POLG: variants seen among roughly 807,000 people sequenced by gnomAD.
The protein encoded by POLG is DNA polymerase gamma, catalytic subunit.
In POLG, 110 loss-of-function variants were observed where a neutral mutation model predicts 155.4. The ratio of observed to expected loss-of-function variants is 0.71; its 90% CI spans 0.61 to 0.83. POLG has a LOEUF of 0.83. Ranked by LOEUF, POLG falls within the 40% of genes least tolerant of loss-of-function variation. The pLI is 0.00. For missense variants in POLG, 1,685 were observed against 1,627.5 expected, an observed-to-expected ratio of 1.04 and a Z score of -0.61; for synonymous variants, 701 against 631.5, an observed-to-expected ratio of 1.11 and a Z score of -1.65.
rs1225346693 is a variant in POLG, at chr15:89,325,223, AGAGTGAGTGAGAGAGT to A, written c.1949+211_1949+226del. ...GTGAGTGAGAGAGTGAGTGAGTGAG[AGAGTGAGTGAGAGAGT>A]GAGTGAGTGAGAGAGAGAGTGAGTG... On this transcript the variant is annotated intron_variant, in intron 10 of 22. Coordinates refer to ENST00000268124, the MANE Select transcript of POLG (RefSeq NM_002693.3). 1.5e-3 allele frequency among the ~76,000 whole-genome samples: 58 copies of A among 38,648 alleles called. 10 individuals are homozygous for A. Among genetic ancestry groups the A allele is most frequent in the Non-Finnish European group, 2.5e-3 (47 of 19,060 alleles). 25.4% of individuals were successfully genotyped at this position (38,648 alleles called of 152,430 possible). A position where few individuals can be genotyped will look rare whatever the true frequency, so the allele number is the denominator to read the frequency against.
Position 89,318,537 on chromosome 15 carries a change from A to C in POLG, c.3482+4T>G, listed in dbSNP as rs1567184975. 7 of 1,612,568 alleles carry C rather than the reference A, an allele frequency of 4.3e-6. No homozygotes were observed. Among genetic ancestry groups the C allele is most frequent in the South Asian group, 1.1e-5 (1 of 91,024 alleles). ...CCAGGCTAGAGGCCATGGGCCCCGC[A>C]TACCTGGTCAAGAGGTTGGTGATCT... On this transcript the variant is annotated splice_donor_region_variant and intron_variant, in intron 21 of 22. Transcript: ENST00000268124.
At chr15:89,332,020 A>C (rs1230545268) in intron 2 of POLG, among the ~76,000 whole-genome samples, 1 of 152,230 alleles carries the variant, frequency 6.6e-6, no homozygotes, top group African/African-American at 2.4e-5. Context: ...CAGATCAAAA[A>C]ACAAATCTTT....
Position 89,324,127 on chromosome 15 carries a change from T to C in POLG, c.2050A>G (p.Asn684Asp). The C allele has an allele frequency of 1.9e-6, 3 of 1,614,048 alleles. No homozygotes were observed. The highest frequency in any genetic ancestry group is 2.5e-6 in the Non-Finnish European group (3 of 1,180,034). The change falls in exon 11 of 23, where the codon AAT (asparagine) becomes GAT (aspartate). Residue 684 changes from asparagine (N) to aspartate (D), a missense_variant. Physicochemically the swap from Asn to Asp is conservative, Grantham distance 23 (BLOSUM62 1). This residue lies in a region of POLG where 1,210 missense variants were observed against 1,167.1 expected (regional missense o/e 1.04). Transcript: ENST00000268124. ...GLAEEFLLTDNSAIWQTVEEL... is the reference protein window; with the variant it reads ...GLAEEFLLTDDSAIWQTVEEL... Reference sequence around the variant, plus strand: ...CTCACCGTTTGCCATATGGCACTATTGTCAGTGAGCAGGAACTCCTCCGCC... The same window carrying C: ...CTCACCGTTTGCCATATGGCACTATCGTCAGTGAGCAGGAACTCCTCCGCC...
At position 89,316,721 on chromosome 15, in the gene POLG, C is replaced by T. The variant is rs3087376; in HGVS notation, c.*30G>A. On this transcript the variant is annotated 3_prime_UTR_variant, in exon 23 of 23. Coordinates refer to ENST00000268124, the MANE Select transcript of POLG (RefSeq NM_002693.3). ...CCTGCACCACCCCGATGAAGCTCCACGGGAGCAAATACAGAGCCTCCAGGC... is the reference window on the plus strand; with the variant it reads ...CCTGCACCACCCCGATGAAGCTCCATGGGAGCAAATACAGAGCCTCCAGGC... 7.7e-4 allele frequency: 1,211 copies of T among 1,574,810 alleles called. 17 individuals are homozygous for T. The South Asian group carries it at 0.012, about 16-fold the overall frequency.
intron 3 of POLG, 149 bp downstream of exon 3, chr15:89,329,932 G>A (rs913837110): frequency 1.4e-6 from 1 of 729,132 alleles, no homozygotes; most frequent in Non-Finnish European, 2.5e-6. Flanking sequence ...ACAGAGACCA[G>A]AGGCACAGCT....
chr15:89,321,297 C>G, intron 16 of POLG, 37 bp from the exon 17 acceptor site: 1 of 1,610,920 alleles, frequency 6.2e-7, no homozygotes, highest in African/African-American at 1.3e-5. Context: ...GAGACTCTTC[C>G]TACCCCATTC....
At chr15:89,316,893 G>A (rs2055286570) in intron 22 of POLG, 66 bp from the exon 23 acceptor site, 4 of 1,155,160 alleles carry the variant, frequency 3.5e-6, no homozygotes, top group Middle Eastern at 1.9e-4. Context: ...TCAGAAGTGA[G>A]CAAAGGAGCT....
intron 16 of POLG, 61 bp downstream of exon 16, chr15:89,321,675 G>T: frequency 8.1e-7 from 1 of 1,229,418 alleles, no homozygotes; most frequent in Non-Finnish European, 1.2e-6. Context: ...GGCCCTCAGA[G>T]CCCAGTTTCT....
chr15:89,326,669 A>G lies in POLG; in HGVS notation c.1655T>C (p.Leu552Pro), dbSNP rs2055522665. Residue 552 changes from leucine to proline, a missense_variant, in exon 9 of 23, where the codon CTG (leucine) becomes CCG (proline). Transcript: ENST00000268124. ...GGGCAGGAGCTCTGTGGTCCCCTTC[A>G]GCTTCTGCAAGCAGGCGCGGGCCAT... ...DVMARACLQK[L>P]KGTTELLPKR... 7 of 1,613,972 alleles carry G rather than the reference A, an allele frequency of 4.3e-6. No individual in the cohort carries two copies. Among genetic ancestry groups the G allele is most frequent in the Non-Finnish European group, 5.9e-6 (7 of 1,180,030 alleles).
At position 89,317,543 on chromosome 15, in the gene POLG, G is replaced by C. The variant is rs369115751; in HGVS notation, c.3483-7C>G. 7 of 1,613,818 alleles carry C rather than the reference G, an allele frequency of 4.3e-6. No homozygotes were observed. In the South Asian group the frequency reaches 6.6e-5, roughly 15 times the overall value. On this transcript the variant is annotated splice_region_variant and splice_polypyrimidine_tract_variant and intron_variant, in intron 21 of 22. Coordinates refer to ENST00000268124, the MANE Select transcript of POLG (RefSeq NM_002693.3). Reference sequence around the variant, plus strand: ...CTTGTAGGCAAACATGCACCTGAAAGAGACCCAATCTACTCTCACAGTCAT... The same window carrying C: ...CTTGTAGGCAAACATGCACCTGAAACAGACCCAATCTACTCTCACAGTCAT...
In POLG at chr15:89,316,642, G is replaced by T. The variant is rs749017921; in HGVS notation, c.*109C>A. 2.6e-6 allele frequency: 3 copies of T among 1,155,586 alleles called. No individual in the cohort carries two copies. Among genetic ancestry groups the T allele is most frequent in the Non-Finnish European group, 2.6e-6 (2 of 769,384 alleles). The allele number at this position is 1,155,586 out of a possible 1,614,324, so 71.6% of individuals were successfully genotyped here. A position where few individuals can be genotyped will look rare whatever the true frequency, so the allele number is the denominator to read the frequency against. ...CAGGTCCTGCTACTGAAAAATGGCT[G>T]GCCTTAGGCAAGCCCTTTTGCAAAA... On this transcript the variant is annotated 3_prime_UTR_variant, in exon 23 of 23. Transcript: ENST00000268124.
rs199856571 is a variant in POLG, at chr15:89,326,728, G to A, written c.1596C>T (p.Pro532=). ...GDPMDQEDLG[P]CSEEEEFQQD... is the part of the protein sequence containing the mutation. ...GTTGAAACTCCTCCTCCTCACTGCA[G>A]GGGCCGAGGTCTGTGAGGGTGGGGG... is the stretch of plus-strand genomic sequence containing the variant. The change falls in exon 9 of 23, where the codon CCC becomes CCT. Residue 532 remains proline, a synonymous_variant. Coordinates refer to ENST00000268124, the MANE Select transcript of POLG (RefSeq NM_002693.3). The A allele has an allele frequency of 2.1e-5, 34 of 1,614,096 alleles. No homozygotes were observed. Among genetic ancestry groups the A allele is most frequent in the Non-Finnish European group, 2.8e-5 (33 of 1,180,034 alleles).
chr15:89,333,708 G>A lies in POLG; in HGVS notation c.47C>T (p.Pro16Leu), dbSNP rs1315209124. ...GCGCCCCGGAGCTGGAACCGGCCCT[G>A]GCCCGACGGTGGCGCCGGCCACCTT... The part of the protein sequence containing the change: ...WRKVAGATVG[P>L]GPVPAPGRWV... Residue 16 changes from proline to leucine, a missense_variant, in exon 2 of 23, where the codon CCA (proline) becomes CTA (leucine). Physicochemically the swap from Pro to Leu is moderately conservative, Grantham distance 98. Around this residue, in one of 3 missense-constraint regions of POLG, gnomAD observed 1,210 missense variants for 1,167.1 expected, o/e 1.04. Transcript: ENST00000268124. The A allele has an allele frequency of 6.5e-7, 1 of 1,538,720 alleles. No individual in the cohort carries two copies. Among genetic ancestry groups the A allele is most frequent in the Non-Finnish European group, 8.7e-7 (1 of 1,148,050 alleles).
intron 22 of POLG, 97 bp downstream of exon 22, chr15:89,317,279 G>T: frequency 9.5e-7 from 1 of 1,049,356 alleles, no homozygotes; most frequent in Non-Finnish European, 1.5e-6. Flanking sequence ...AGTCAAGAGT[G>T]GATTCTCTGG....
In POLG at chr15:89,325,742, G is replaced by A. The variant is rs1018441223; in HGVS notation, c.1713-56C>T. On this transcript the variant is annotated intron_variant, in intron 9 of 22. Transcript: ENST00000268124. ...CGATGGTAAGGGCAGTTGTTGGGGG[G>A]AAGGTTCTCTCTCTCACAATGTCCC... 3.7e-6 allele frequency: 5 copies of A among 1,337,432 alleles called. No individual in the cohort carries two copies. In the African/African-American group the frequency reaches 4.3e-5, roughly 11 times the overall value. 82.8% of individuals were successfully genotyped at this position (1,337,432 alleles called of 1,614,324 possible).
intron 9 of POLG, among the ~76,000 whole-genome samples, chr15:89,326,146 A>T (rs566765755): frequency 4.3e-4 from 66 of 152,218 alleles, no homozygotes; most frequent in African/African-American, 1.5e-3. Context: ...TGCAGGTGCA[A>T]AGCTGGCACC....
At chr15:89,328,890 G>A (rs2055558200) in intron 4 of POLG, 53 bp downstream of exon 4, 2 of 1,613,996 alleles carry the variant, frequency 1.2e-6, no homozygotes, top group South Asian at 2.2e-5. Context: ...AGACGGGCTG[G>A]TGAGAGGGGG....
Position 89,325,069 on chromosome 15 carries a change from T to TGAGTGAGTGAGA in POLG, c.1949+380_1949+381insTCTCACTCACTC, listed in dbSNP as rs2055460797. On this transcript the variant is annotated intron_variant, in intron 10 of 22. Coordinates refer to ENST00000268124, the MANE Select transcript of POLG (RefSeq NM_002693.3). ...GTGAGTGAGTGAGAGAGTGAGTGAG[T>TGAGTGAGTGAGA]GAGTGAGTGAGTGAGAGAGTGAGTG... Among the ~76,000 whole-genome samples the TGAGTGAGTGAGA allele has an allele frequency of 9.2e-5, 8 of 86,776 alleles. 1 individual carries two copies. Among genetic ancestry groups the TGAGTGAGTGAGA allele is most frequent in the African/African-American group, 4.0e-4 (6 of 14,940 alleles). The allele number at this position is 86,776 out of a possible 152,430, so 56.9% of individuals were successfully genotyped here.
At chr15:89,329,940 G>A (rs2055572589) in intron 3 of POLG, 141 bp downstream of exon 3, 2 of 748,694 alleles carry the variant, frequency 2.7e-6, no homozygotes, top group East Asian at 5.3e-5. Context: ...CAGAGGCACA[G>A]CTGGTCAACA....
Sources: allele counts gnomAD v4.1 joint callset (sites outside exome capture counted in the v4.1 genomes callset), GRCh38; gene constraint gnomAD v4.1.1; regional missense constraint gnomAD v4.1.1; transcripts MANE v1.5; gene names NCBI Gene and HGNC (gene_info 2026-07-23, HGNC 2026-07-21).